Variants in GDF5 observed in about 807,000 individuals in gnomAD.
GDF5 encodes growth/differentiation factor 5.
GDF5 carries 17 observed loss-of-function variants against 34.6 expected under a neutral mutation model. That is an observed-to-expected ratio of 0.49 (90% CI 0.34 to 0.74). The LOEUF (loss-of-function observed/expected upper bound fraction) is 0.74. Among genes scored for constraint, GDF5 ranks in the 30% least tolerant of loss-of-function variants. The probability of loss-of-function intolerance (pLI) is 0.01; values close to 1 mark genes in which losing one functional copy is unlikely to be tolerated. For missense variants in GDF5, 616 were observed against 661.2 expected (o/e 0.93, Z 0.75); for synonymous variants, 332 against 290.7 (o/e 1.14, Z -1.44).
chr20:35,437,841 C>G lies in GDF5; in HGVS notation c.88G>C (p.Asp30His). Residue 30 changes from aspartate to histidine, a missense_variant, in exon 1 of 2, where the codon GAC becomes CAC. Coordinates refer to ENST00000374369, the MANE Select transcript of GDF5 (RefSeq NM_000557.5). ...GTCCCCTGGGGTCTCTGGCCCAAGT[C>G]AGGGGCACCCAACACAGTGCAGATG... ...EFICTVLGAP[D>H]LGQRPQGTRP... 1 of 1,614,052 alleles carries G rather than the reference C, an allele frequency of 6.2e-7. No individual in the cohort carries two copies. Among genetic ancestry groups the G allele is most frequent in the African/African-American group, 1.3e-5 (1 of 75,054 alleles).
intron 1 of GDF5, among the ~76,000 whole-genome samples, chr20:35,448,289 G>A (rs1314539922): frequency 6.6e-6 from 1 of 151,630 alleles, no homozygotes; most frequent in Non-Finnish European, 1.5e-5. Context: ...TATTGCAGCT[G>A]AGGAATTTGA....
Position 35,438,161 on chromosome 20 carries a change from A to G in GDF5, c.-233T>C. On this transcript the variant is annotated 5_prime_UTR_variant, in exon 1 of 2. Transcript: ENST00000374369. ...TCGTATCCAGACGTGCACCGTCTCCAGTCAGCAGCTGAAAATAACTCGTTC... is the reference window on the plus strand; with the variant it reads ...TCGTATCCAGACGTGCACCGTCTCCGGTCAGCAGCTGAAAATAACTCGTTC... The G allele has an allele frequency of 1.7e-6, 1 of 583,548 alleles. No individual in the cohort carries two copies. The highest frequency in any genetic ancestry group is 3.1e-6 in the Non-Finnish European group (1 of 327,516). The allele number at this position is 583,548 out of a possible 1,614,324, so 36.1% of individuals were successfully genotyped here. A position where few individuals can be genotyped will look rare whatever the true frequency, so the allele number is the denominator to read the frequency against.
chr20:35,440,695 AC>A (rs2062494962), upstream of GDF5, among the ~76,000 whole-genome samples: 1 of 152,136 alleles, frequency 6.6e-6, no homozygotes, highest in Admixed American at 6.6e-5. Flanking sequence ...CCCTATCCCA[AC>A]ACAGTTTGTT....
intron 1 of GDF5, among the ~76,000 whole-genome samples, chr20:35,451,649 A>G (rs2146592668): frequency 6.9e-6 from 1 of 144,788 alleles, no homozygotes; most frequent in East Asian, 2.0e-4. Context: ...TAGGGCCATC[A>G]CGGCTCATTG....
At position 35,434,783 on chromosome 20, in the gene GDF5, T is replaced by C; in HGVS notation, c.632A>G (p.Asp211Gly). 2.5e-6 allele frequency: 4 copies of C among 1,612,160 alleles called. No homozygotes were observed. Among genetic ancestry groups the C allele is most frequent in the Non-Finnish European group, 3.4e-6 (4 of 1,179,922 alleles). ...CTTCCTGACCACGGGACCTCGGTCA[T>C]CTAGAGAGAACACCCAGAAGTCATT... ...TITSFIDKGQ[D>G]DRGPVVRKQR... Residue 211 changes from aspartate to glycine, a missense_variant and splice_region_variant, in exon 2 of 2, where the codon GAT becomes GGT. By Grantham distance (94) the Asp-to-Gly change is moderately conservative. Coordinates refer to ENST00000374369, the MANE Select transcript of GDF5 (RefSeq NM_000557.5).
In GDF5 at chr20:35,433,809, T is replaced by C; in HGVS notation, c.*100A>G. The C allele has an allele frequency of 1.0e-6, 1 of 995,384 alleles. No individual in the cohort carries two copies. Among genetic ancestry groups the C allele is most frequent in the Non-Finnish European group, 1.6e-6 (1 of 618,944 alleles). 61.7% of individuals were successfully genotyped at this position (995,384 alleles called of 1,614,324 possible). A position where few individuals can be genotyped will look rare whatever the true frequency, so the allele number is the denominator to read the frequency against. On this transcript the variant is annotated 3_prime_UTR_variant, in exon 2 of 2. Coordinates refer to ENST00000374369, the MANE Select transcript of GDF5 (RefSeq NM_000557.5). ...GGAATCCCCTTTCACCCAAGCTGTGTAGATGCTCCTGCCACAGCTTCCTGA... is the reference window on the plus strand; with the variant it reads ...GGAATCCCCTTTCACCCAAGCTGTGCAGATGCTCCTGCCACAGCTTCCTGA...
chr20:35,447,437 T>C (rs1167319949), intron 1 of GDF5, among the ~76,000 whole-genome samples: 1 of 152,178 alleles, frequency 6.6e-6, no homozygotes, highest in African/African-American at 2.4e-5. Context: ...CTCTGGGCCT[T>C]CTGTCCATAA....
chr20:35,446,016 AAAAT>A (rs2062512976), intron 1 of GDF5, among the ~76,000 whole-genome samples: 1 of 148,808 alleles, frequency 6.7e-6, no homozygotes, highest in South Asian at 2.1e-4. Flanking sequence ...ACAATAAAAT[AAAAT>A]AAATAAGCCA....
In GDF5 at chr20:35,437,465, G is replaced by C; in HGVS notation, c.464C>G (p.Pro155Arg). The C allele has an allele frequency of 6.2e-7, 1 of 1,614,068 alleles. No individual in the cohort carries two copies. Among genetic ancestry groups the C allele is most frequent in the Non-Finnish European group, 8.5e-7 (1 of 1,179,970 alleles). ...GCGAAACGGCTCCTTGGGCTCTCGT[G>C]GGGGCCCGGGCTCCCTGGCCTTCTT... ...LLKKAREPGPPREPKEPFRPP... is the reference protein window; with the variant it reads ...LLKKAREPGPRREPKEPFRPP... The change falls in exon 1 of 2, where the codon CCA (proline) becomes CGA (arginine). Residue 155 changes from proline (P) to arginine (R), a missense_variant. By Grantham distance (103) the Pro-to-Arg change is moderately radical. Coordinates refer to ENST00000374369, the MANE Select transcript of GDF5 (RefSeq NM_000557.5).
chr20:35,444,907 T>C (rs2062509183), intron 1 of GDF5, among the ~76,000 whole-genome samples: 1 of 152,122 alleles, frequency 6.6e-6, no homozygotes, highest in African/African-American at 2.4e-5. Context: ...TTTTGTATTT[T>C]TAGTAGGGAT....
chr20:35,443,074 T>A (rs1234359577), upstream of GDF5, among the ~76,000 whole-genome samples: 1 of 152,110 alleles, frequency 6.6e-6, no homozygotes, highest in Non-Finnish European at 1.5e-5. Context: ...CCAGGGCTAT[T>A]GTTTGAGGAA....
chr20:35,434,311 G>A lies in GDF5; in HGVS notation c.1104C>T (p.Thr368=), dbSNP rs748907807. The A allele has an allele frequency of 3.2e-5, 51 of 1,613,982 alleles. No homozygotes were observed. The highest frequency in any genetic ancestry group is 4.2e-5 in the Non-Finnish European group (49 of 1,180,040). Residue 368 remains threonine, a synonymous_variant, in exon 2 of 2, where the codon ACC becomes ACT. Coordinates refer to ENST00000374369, the MANE Select transcript of GDF5 (RefSeq NM_000557.5). ...IKARSGQDDK[T]VYEYLFSQRR... is the part of the protein sequence containing the mutation. The stretch of plus-strand genomic sequence containing the variant: ...GCTGGCTGAACAGGTACTCATACAC[G>A]GTCTTATCGTCCTGGCCAGAGCGGG...
Position 35,438,050 on chromosome 20 carries a change from G to T in GDF5, c.-122C>A. 1 of 1,146,136 alleles carries T rather than the reference G, an allele frequency of 8.7e-7. No homozygotes were observed. Among genetic ancestry groups the T allele is most frequent in the Non-Finnish European group, 1.3e-6 (1 of 783,028 alleles). 71.0% of individuals were successfully genotyped at this position (1,146,136 alleles called of 1,614,324 possible). ...AAAAGCAGCGGCAGCAGCAGTAGCA[G>T]CAGAAGGAAAGGCTTTCTCCTCAGT... is the stretch of plus-strand genomic sequence containing the variant. On this transcript the variant is annotated 5_prime_UTR_variant, in exon 1 of 2. In the 5' UTR this introduces an upstream ATG that the reference lacks. Transcript: ENST00000374369.
At chr20:35,443,416 C>T (rs2062504429) in intron 1 of GDF5, among the ~76,000 whole-genome samples, 1 of 152,096 alleles carries the variant, frequency 6.6e-6, no homozygotes, top group Admixed American at 6.6e-5. Flanking sequence ...GCCCCTTCTG[C>T]CATGTAGAGC....
chr20:35,454,663 G>T (rs1364594522), exon 1 of GDF5: 1 of 152,246 alleles, frequency 6.6e-6, no homozygotes, highest in African/African-American at 2.4e-5. Flanking sequence ...GCTGCCTGAA[G>T]CTTCTCGGAG....
At chr20:35,448,277 C>T (rs1464895637) in intron 1 of GDF5, among the ~76,000 whole-genome samples, 2 of 151,700 alleles carry the variant, frequency 1.3e-5, no homozygotes. Flanking sequence ...CTGTTATCCC[C>T]ATATTGCAGC....
chr20:35,443,785 T>C (rs2062505662), intron 1 of GDF5, among the ~76,000 whole-genome samples: 1 of 152,188 alleles, frequency 6.6e-6, no homozygotes, highest in African/African-American at 2.4e-5. Flanking sequence ...GTGCTGGGAT[T>C]ACAGGCGTGA....
At chr20:35,453,109 G>A (rs1411393376) in intron 1 of GDF5, among the ~76,000 whole-genome samples, 1 of 152,126 alleles carries the variant, frequency 6.6e-6, no homozygotes, top group African/African-American at 2.4e-5. Flanking sequence ...AATTAGCCGG[G>A]CGTGGTGGCG....
At chr20:35,453,049 A>C (rs1213746453) in intron 1 of GDF5, among the ~76,000 whole-genome samples, 1 of 152,102 alleles carries the variant, frequency 6.6e-6, no homozygotes, top group Non-Finnish European at 1.5e-5. Flanking sequence ...GGAGATCAAG[A>C]CCATCCTGGC....
Sources: gnomAD v4.1 joint callset for allele counts (sites outside exome capture counted in the v4.1 genomes callset) on GRCh38, gnomAD v4.1.1 for gene constraint, MANE v1.5 for transcripts, NCBI Gene and HGNC (gene_info 2026-07-23, HGNC 2026-07-21) for gene names.